The following BPIFB4 variants were observed in gnomAD, a reference collection of about 807,000 sequenced individuals.
BPIFB4 encodes BPI fold containing family B member 4.
A neutral mutation model predicts 69.2 loss-of-function variants in BPIFB4; 62 were observed. The ratio of observed to expected loss-of-function variants is 0.90; its 90% confidence interval spans 0.73 to 1.11. BPIFB4 has a LOEUF of 1.11. Among genes scored for constraint, BPIFB4 ranks in the 50% least tolerant of loss-of-function variants. BPIFB4 has a pLI of 0.00. For synonymous variants in BPIFB4, 330 were observed against 332.7 expected, an observed-to-expected ratio of 0.99 and a Z score of 0.09; for missense variants, 789 against 792.0, an observed-to-expected ratio of 1.00 and a Z score of 0.04.
At chr20:33,106,343 C>T (rs959950876) in intron 16 of BPIFB4, among the ~76,000 whole-genome samples, 3 of 151,278 alleles carry the variant, frequency 2.0e-5, no homozygotes, top group African/African-American at 7.3e-5. Context: ...GGGCGAAGGG[C>T]TGGGTGATGC....
intron 17 of BPIFB4, among the ~76,000 whole-genome samples, chr20:33,109,468 C>T (rs1568590001): frequency 6.6e-6 from 1 of 152,058 alleles, no homozygotes; most frequent in Non-Finnish European, 1.5e-5. Flanking sequence ...AGAGGGTAGG[C>T]CACTTGCTCG....
intron 9 of BPIFB4, among the ~76,000 whole-genome samples, 180 bp downstream of exon 9, chr20:33,089,738 G>C (rs930536359): frequency 1.4e-5 from 2 of 140,268 alleles, no homozygotes; most frequent in Admixed American, 7.2e-5. Context: ...CACCCCCCCC[G>C]AGTACCAGAG....
chr20:33,089,628 C>G, intron 9 of BPIFB4, 70 bp downstream of exon 9: 1 of 1,610,636 alleles, frequency 6.2e-7, no homozygotes, highest in Non-Finnish European at 8.5e-7. Flanking sequence ...GAGGAGGGCT[C>G]AATGTGGTGG....
At position 33,083,414 on chromosome 20, in the gene BPIFB4, C is replaced by T. The variant is rs370732161; in HGVS notation, c.217C>T (p.Pro73Ser). 1 of 1,613,544 alleles carries T rather than the reference C, an allele frequency of 6.2e-7. No homozygotes were observed. The highest frequency in any genetic ancestry group is 1.1e-5 in the South Asian group (1 of 91,052). ...TGACTTCCATGTCCGAGGACCCCCCCCAGTATATACCAACGGCAAAAAACT... is the reference window on the plus strand; with the variant it reads ...TGACTTCCATGTCCGAGGACCCCCCTCAGTATATACCAACGGCAAAAAACT... Reference protein sequence around the residue: ...YNDFHVRGPPPVYTNGKKLDG... With the variant: ...YNDFHVRGPPSVYTNGKKLDG... Residue 73 changes from proline (P) to serine (S), a missense_variant, in exon 5 of 18, where the codon CCA becomes TCA. Physicochemically the swap from Pro to Ser is moderately conservative, Grantham distance 74. Around this residue, in one of 3 missense-constraint regions of BPIFB4, gnomAD observed 611 missense variants for 575.4 expected, o/e 1.06. Coordinates refer to ENST00000375483, the MANE Select transcript of BPIFB4 (RefSeq NM_182519.3).
chr20:33,081,426 ACT>A, intron 2 of BPIFB4, 84 bp from the exon 3 acceptor site: 1 of 1,507,498 alleles, frequency 6.6e-7, no homozygotes. Context: ...TCCTGAGATG[ACT>A]CTTGGCTGGG....
intron 3 of BPIFB4, among the ~76,000 whole-genome samples, chr20:33,081,854 T>A (rs1981240977): frequency 2.0e-5 from 3 of 152,262 alleles, no homozygotes; most frequent in Non-Finnish European, 4.4e-5. Flanking sequence ...GCTCATTCTT[T>A]AGAGGCAATA....
Position 33,107,830 on chromosome 20 carries a change from G to C in BPIFB4, c.1821+10G>C, listed in dbSNP as rs377753078. 19 of 1,612,036 alleles carry C rather than the reference G, an allele frequency of 1.2e-5. No individual in the cohort carries two copies. Among genetic ancestry groups the C allele is most frequent in the Non-Finnish European group, 1.6e-5 (19 of 1,178,294 alleles). On this transcript the variant is annotated intron_variant, in intron 17 of 17. Coordinates refer to ENST00000375483, the MANE Select transcript of BPIFB4 (RefSeq NM_182519.3). Reference sequence around the variant, plus strand: ...CATTGACGTGTTGGAGGTAAGAGGAGATCGAGCTCCATTCTGCTTTTCCTC... The same window carrying C: ...CATTGACGTGTTGGAGGTAAGAGGACATCGAGCTCCATTCTGCTTTTCCTC...
intron 12 of BPIFB4, among the ~76,000 whole-genome samples, chr20:33,096,539 T>G (rs1981759522): frequency 6.6e-6 from 1 of 152,216 alleles, no homozygotes; most frequent in African/African-American, 2.4e-5. Flanking sequence ...CCTCCCAAAG[T>G]GCTGGGAGTA....
intron 13 of BPIFB4, among the ~76,000 whole-genome samples, chr20:33,099,844 A>G (rs982606822): frequency 3.3e-5 from 5 of 152,124 alleles, no homozygotes; most frequent in African/African-American, 1.2e-4. Flanking sequence ...GTTTTTTCAT[A>G]AAGCCAACTT....
At chr20:33,106,723 A>C (rs985448334) in intron 16 of BPIFB4, among the ~76,000 whole-genome samples, 2 of 152,138 alleles carry the variant, frequency 1.3e-5, no homozygotes, top group African/African-American at 4.8e-5. Flanking sequence ...TGGTTTCTCT[A>C]ATAGAGCAGT....
intron 11 of BPIFB4, among the ~76,000 whole-genome samples, chr20:33,093,642 A>T: frequency 1.1e-5 from 1 of 94,660 alleles, no homozygotes; most frequent in African/African-American, 3.6e-5. Flanking sequence ...TCTACTCATC[A>T]ACCCGACCAT....
In BPIFB4 at chr20:33,103,092, T is replaced by C. The variant is rs1981952149; in HGVS notation, c.1680+78T>C. The stretch of plus-strand genomic sequence containing the variant: ...ACGTGTCTTCCGGGAATGGTGTTCC[T>C]GTGAGGCTGGCTGGGCATGGGGAGT... On this transcript the variant is annotated intron_variant, in intron 15 of 17. Coordinates refer to ENST00000375483, the MANE Select transcript of BPIFB4 (RefSeq NM_182519.3). 3.3e-6 allele frequency: 5 copies of C among 1,507,314 alleles called. No individual in the cohort carries two copies. In the South Asian group the frequency reaches 5.6e-5, roughly 17 times the overall value. The allele number at this position is 1,507,314 out of a possible 1,614,324, so 93.4% of individuals were successfully genotyped here.
At chr20:33,081,477 C>T in intron 2 of BPIFB4, 35 bp from the exon 3 acceptor site, 3 of 1,547,234 alleles carry the variant, frequency 1.9e-6, no homozygotes, top group Non-Finnish European at 2.6e-6. Context: ...TGGTGGCGCC[C>T]AGCCACATCT....
chr20:33,108,733 C>G (rs761933), intron 17 of BPIFB4, among the ~76,000 whole-genome samples: 36,243 of 151,994 alleles, frequency 0.24, 4,524 homozygotes, highest in Admixed American at 0.32. Context: ...ACGTGCCTTG[C>G]ACAGGCCTGG....
chr20:33,098,847 A>G (rs753179913), intron 13 of BPIFB4, among the ~76,000 whole-genome samples: 22 of 151,808 alleles, frequency 1.4e-4, no homozygotes, highest in Non-Finnish European at 2.9e-4. Context: ...CCTCATGACC[A>G]TCCCCTCATC....
chr20:33,087,538 GT>G (rs1981465886), intron 7 of BPIFB4, among the ~76,000 whole-genome samples: 4 of 152,032 alleles, frequency 2.6e-5, no homozygotes. Context: ...TATTTCGCTG[GT>G]CCTCTATTGT....
intron 15 of BPIFB4, among the ~76,000 whole-genome samples, chr20:33,104,408 C>T (rs769737679): frequency 6.6e-6 from 1 of 152,170 alleles, no homozygotes; most frequent in South Asian, 2.1e-4. Flanking sequence ...CAGAGGCCCA[C>T]GGAGACTGAG....
intron 13 of BPIFB4, among the ~76,000 whole-genome samples, chr20:33,099,276 A>G (rs767883600): frequency 2.5e-4 from 38 of 152,284 alleles, no homozygotes; most frequent in Non-Finnish European, 4.4e-4. Flanking sequence ...AGGCTGGAGC[A>G]TGCCAAGCCA....
intron 16 of BPIFB4, 46 bp from the exon 17 acceptor site, chr20:33,107,698 C>T (rs1308487791): frequency 7.6e-6 from 11 of 1,452,978 alleles, no homozygotes; most frequent in Non-Finnish European, 1.1e-5. Context: ...GTGAGACCAA[C>T]ACCTCTTGGA....
Sources: allele counts gnomAD v4.1 joint callset (sites outside exome capture counted in the v4.1 genomes callset), GRCh38; gene constraint gnomAD v4.1.1; regional missense constraint gnomAD v4.1.1; transcripts MANE v1.5; gene names NCBI Gene and HGNC (gene_info 2026-07-23, HGNC 2026-07-21).